Variants in PRKD1 observed in about 807,000 individuals in gnomAD.
The protein encoded by PRKD1 is serine/threonine-protein kinase D1.
PRKD1 carries 63 observed loss-of-function variants against 95.9 expected under a neutral mutation model. The ratio of observed to expected loss-of-function variants is 0.66; its 90% CI spans 0.54 to 0.81. The LOEUF is 0.81. PRKD1 is among the 30% of genes least tolerant of loss of function. The probability of loss-of-function intolerance (pLI) is 0.00; values close to 1 mark genes in which losing one functional copy is unlikely to be tolerated. For synonymous variants in PRKD1, 425 were observed against 423.1 expected, an observed-to-expected ratio of 1.00 and a Z score of -0.05; for missense variants, 1,048 against 1,165.3, an observed-to-expected ratio of 0.90 and a Z score of 1.47.
At chr14:29,839,497 G>A (rs778143389) in intron 1 of PRKD1, among the ~76,000 whole-genome samples, 9 of 152,276 alleles carry the variant, frequency 5.9e-5, no homozygotes, top group African/African-American at 2.2e-4. Context: ...CACGGTGCAA[G>A]CTGTCAATGG....
chr14:29,799,252 G>A (rs138291171), intron 1 of PRKD1, among the ~76,000 whole-genome samples: 231 of 152,254 alleles, frequency 1.5e-3, no homozygotes, highest in African/African-American at 5.2e-3. Context: ...GTTTTAACAT[G>A]GTTAAACAAG....
intron 1 of PRKD1, among the ~76,000 whole-genome samples, chr14:29,856,770 C>G (rs1474539215): frequency 1.3e-5 from 2 of 152,188 alleles, no homozygotes. Context: ...GGGCACATCT[C>G]TGAGGCTGGT....
intron 13 of PRKD1, among the ~76,000 whole-genome samples, chr14:29,604,823 T>C (rs1004741646): frequency 5.9e-5 from 9 of 152,210 alleles, no homozygotes; most frequent in Admixed American, 3.9e-4. Context: ...CAAATTGATA[T>C]GATAAGATCT....
At chr14:29,903,157 CA>C (rs755121341) in intron 1 of PRKD1, among the ~76,000 whole-genome samples, 23 of 152,172 alleles carry the variant, frequency 1.5e-4, no homozygotes, top group Non-Finnish European at 2.8e-4. Flanking sequence ...TAAAATTTAA[CA>C]GAGAATTTTC....
chr14:29,908,901 G>C (rs1396812456), intron 1 of PRKD1, among the ~76,000 whole-genome samples: 1 of 152,186 alleles, frequency 6.6e-6, no homozygotes, highest in East Asian at 1.9e-4. Flanking sequence ...GGCCACGCTT[G>C]AGGAGCCCTT....
At chr14:29,835,487 T>C (rs1455892875) in intron 1 of PRKD1, among the ~76,000 whole-genome samples, 3 of 152,220 alleles carry the variant, frequency 2.0e-5, no homozygotes, top group African/African-American at 7.2e-5. Context: ...AAGATTCCTT[T>C]CCCCAGTTTC....
chr14:29,861,937 C>G (rs1892725595), intron 1 of PRKD1, among the ~76,000 whole-genome samples: 1 of 152,182 alleles, frequency 6.6e-6, no homozygotes, highest in East Asian at 1.9e-4. Flanking sequence ...TAGTCGTGAG[C>G]CACTGTGCCT....
chr14:29,746,198 G>A (rs1566576595), intron 1 of PRKD1, among the ~76,000 whole-genome samples: 1 of 152,072 alleles, frequency 6.6e-6, no homozygotes, highest in African/African-American at 2.4e-5. Flanking sequence ...TTCCTTCCTT[G>A]CCTTATCAGA....
chr14:29,642,459 TA>T (rs929550920), intron 4 of PRKD1, among the ~76,000 whole-genome samples: 17 of 152,180 alleles, frequency 1.1e-4, no homozygotes, highest in Admixed American at 2.0e-4. Flanking sequence ...ATGATACTTT[TA>T]AAAAACTCAC....
At chr14:29,871,681 T>TCATC (rs1475491137) in intron 1 of PRKD1, among the ~76,000 whole-genome samples, 1 of 152,210 alleles carries the variant, frequency 6.6e-6, no homozygotes, top group East Asian at 1.9e-4. Context: ...AGCTGCCTTA[T>TCATC]CATCACCATC....
intron 1 of PRKD1, among the ~76,000 whole-genome samples, chr14:29,853,780 G>A (rs2139343722): frequency 6.6e-6 from 1 of 152,330 alleles, no homozygotes; most frequent in Admixed American, 6.5e-5. Flanking sequence ...GACCTGGTGG[G>A]AGATGGTTGA....
chr14:29,623,704 T>G (rs1186949028), intron 13 of PRKD1, among the ~76,000 whole-genome samples: 1 of 152,148 alleles, frequency 6.6e-6, no homozygotes, highest in African/African-American at 2.4e-5. Flanking sequence ...AGGCTTACAG[T>G]GAGAGACAAA....
intron 1 of PRKD1, among the ~76,000 whole-genome samples, chr14:29,776,588 T>C (rs1201787471): frequency 6.6e-6 from 1 of 151,790 alleles, no homozygotes; most frequent in Non-Finnish European, 1.5e-5. Flanking sequence ...GAAGAGAAGT[T>C]TAGAGAAAAA....
intron 13 of PRKD1, among the ~76,000 whole-genome samples, chr14:29,608,467 AGGGAAT>A (rs1878178855): frequency 6.6e-6 from 1 of 152,296 alleles, no homozygotes; most frequent in African/African-American, 2.4e-5. Flanking sequence ...GATGAATGAA[AGGGAAT>A]GGGAAAGGTG....
At chr14:29,808,012 G>A (rs1170886715) in intron 1 of PRKD1, among the ~76,000 whole-genome samples, 1 of 152,008 alleles carries the variant, frequency 6.6e-6, no homozygotes, top group South Asian at 2.1e-4. Context: ...GTGAGCCACC[G>A]TGCCTCACAA....
intron 2 of PRKD1, among the ~76,000 whole-genome samples, chr14:29,720,371 T>A (rs1885825542): frequency 6.6e-6 from 1 of 152,136 alleles, no homozygotes. Context: ...TCTATCCTCA[T>A]GCCTAATACT....
At chr14:29,912,568 T>A (rs1894753295) in intron 1 of PRKD1, among the ~76,000 whole-genome samples, 1 of 152,240 alleles carries the variant, frequency 6.6e-6, no homozygotes, top group African/African-American at 2.4e-5. Flanking sequence ...AGACCATGAC[T>A]CTGAACATCT....
At chr14:29,826,850 T>TATATAC in intron 1 of PRKD1, among the ~76,000 whole-genome samples, 1 of 87,684 alleles carries the variant, frequency 1.1e-5, no homozygotes, top group Non-Finnish European at 2.2e-5. Context: ...CACACATATA[T>TATATAC]ATATATATAT....
chr14:29,634,481 C>G lies in PRKD1; in HGVS notation c.1251G>C (p.Lys417Asn). ...MRVVQSVKHT[K>N]RKSSTVMKEG... is the part of the protein sequence containing the mutation. Reference sequence around the variant, plus strand: ...CTTTCATGACTGTGCTGCTTTTCCTCTTCGTGTGTTTGACAGACTGCACTA... The same window carrying G: ...CTTTCATGACTGTGCTGCTTTTCCTGTTCGTGTGTTTGACAGACTGCACTA... The change falls in exon 8 of 18, where the codon AAG becomes AAC. Residue 417 changes from lysine to asparagine, a missense_variant. This residue lies in a region of PRKD1 where 739 missense variants were observed against 861.9 expected (regional missense o/e 0.86). Coordinates refer to ENST00000331968, the MANE Select transcript of PRKD1 (RefSeq NM_002742.3). 6.2e-7 allele frequency: 1 copy of G among 1,614,048 alleles called. No individual in the cohort carries two copies. Among genetic ancestry groups the G allele is most frequent in the Non-Finnish European group, 8.5e-7 (1 of 1,179,958 alleles).
Sources: gnomAD v4.1 joint callset for allele counts (sites outside exome capture counted in the v4.1 genomes callset) on GRCh38, gnomAD v4.1.1 for gene constraint, gnomAD v4.1.1 regional missense constraint, MANE v1.5 for transcripts, NCBI Gene and HGNC (gene_info 2026-07-23, HGNC 2026-07-21) for gene names.